The following LINGO2 variants were observed in gnomAD, a reference collection of about 807,000 sequenced individuals.
LINGO2 encodes leucine rich repeat and Ig domain containing 2, also known as leucine-rich repeat and immunoglobulin-like domain-containing nogo receptor-interacting protein 2.
In LINGO2, 14 loss-of-function variants were observed where a neutral mutation model predicts 30.6. The ratio of observed to expected loss-of-function variants is 0.46; its 90% CI spans 0.30 to 0.72. The LOEUF (loss-of-function observed/expected upper bound fraction) is 0.72, where lower values mean the gene tolerates loss of function less well. Among genes scored for constraint, LINGO2 ranks in the 30% least tolerant of loss-of-function variants. The pLI, the probability that LINGO2 is intolerant of heterozygous loss-of-function variation, is 0.07. For synonymous variants in LINGO2, 317 were observed against 288.5 expected (o/e 1.10, Z -1.00); for missense variants, 729 against 751.7 (o/e 0.97, Z 0.35).
intron 1 of LINGO2, among the ~76,000 whole-genome samples, chr9:28,494,151 C>T (rs766175978): frequency 2.2e-4 from 33 of 151,992 alleles, no homozygotes; most frequent in Admixed American, 4.6e-4. Context: ...AAAGAAATAC[C>T]GGTTTTTGCC....
chr9:29,171,342 G>A, the LINGO2 span, among the ~76,000 whole-genome samples: 1 of 152,078 alleles, frequency 6.6e-6, no homozygotes, highest in Admixed American at 6.6e-5. Context: ...CTGAGGAGAG[G>A]AGAACAAAGA....
At chr9:28,856,738 C>T in the LINGO2 span, among the ~76,000 whole-genome samples, 2 of 151,800 alleles carry the variant, frequency 1.3e-5, no homozygotes, top group Non-Finnish European at 2.9e-5. Context: ...ATTACTGAAG[C>T]GTTTTAAGGA....
chr9:29,059,905 G>C, the LINGO2 span, among the ~76,000 whole-genome samples: 1 of 152,024 alleles, frequency 6.6e-6, no homozygotes, highest in Non-Finnish European at 1.5e-5. Flanking sequence ...ATAATGCTAA[G>C]TAAATAAAAA....
intron 5 of LINGO2, among the ~76,000 whole-genome samples, chr9:27,954,192 C>A (rs1224870479): frequency 6.6e-6 from 1 of 152,120 alleles, no homozygotes. Context: ...TATATCACTT[C>A]TATGTGTTGG....
At chr9:28,623,808 T>C (rs552965939) in intron 1 of LINGO2, among the ~76,000 whole-genome samples, 11 of 152,138 alleles carry the variant, frequency 7.2e-5, no homozygotes, top group Non-Finnish European at 1.3e-4. Flanking sequence ...TTAACAACAT[T>C]CATTCTTCCA....
the LINGO2 span, among the ~76,000 whole-genome samples, chr9:28,984,293 T>A: frequency 6.6e-6 from 1 of 152,102 alleles, no homozygotes; most frequent in Non-Finnish European, 1.5e-5. Flanking sequence ...AGAAAAAGAA[T>A]CATTGTGAAC....
the LINGO2 span, among the ~76,000 whole-genome samples, chr9:28,985,002 C>A: frequency 1.3e-5 from 2 of 151,956 alleles, no homozygotes; most frequent in African/African-American, 4.8e-5. Context: ...GCTTTTGTAC[C>A]CTTTGACCAT....
At chr9:28,620,278 T>C (rs1420262280) in intron 1 of LINGO2, among the ~76,000 whole-genome samples, 1 of 152,088 alleles carries the variant, frequency 6.6e-6, no homozygotes, top group Non-Finnish European at 1.5e-5. Flanking sequence ...TTGTCTAAGT[T>C]TTAGACAAAG....
At chr9:28,348,588 G>C (rs1043854164) in intron 3 of LINGO2, among the ~76,000 whole-genome samples, 6 of 152,196 alleles carry the variant, frequency 3.9e-5, no homozygotes, top group African/African-American at 7.2e-5. Flanking sequence ...GCCCACCATT[G>C]CCCAGGCTTG....
intron 5 of LINGO2, among the ~76,000 whole-genome samples, chr9:27,985,520 CT>C (rs1249284239): frequency 6.7e-6 from 1 of 148,266 alleles, no homozygotes; most frequent in East Asian, 2.0e-4. Flanking sequence ...GTTTCTGAAT[CT>C]TTGTTTTCTC....
chr9:29,181,842 C>T, the LINGO2 span, among the ~76,000 whole-genome samples: 1 of 152,046 alleles, frequency 6.6e-6, no homozygotes, highest in African/African-American at 2.4e-5. Flanking sequence ...CTATTAATTA[C>T]CATAGACAAC....
At chr9:28,511,256 T>G (rs1820373928) in intron 1 of LINGO2, among the ~76,000 whole-genome samples, 2 of 152,164 alleles carry the variant, frequency 1.3e-5, no homozygotes, top group South Asian at 4.1e-4. Context: ...TCTATTCCAG[T>G]GAGGAAAAAC....
intron 1 of LINGO2, among the ~76,000 whole-genome samples, chr9:28,622,868 G>T: frequency 6.6e-6 from 1 of 151,472 alleles, no homozygotes; most frequent in East Asian, 1.9e-4. Flanking sequence ...CCTGTCATTT[G>T]TATATATGCC....
chr9:29,138,675 A>G, the LINGO2 span, among the ~76,000 whole-genome samples: 3 of 152,190 alleles, frequency 2.0e-5, no homozygotes, highest in Non-Finnish European at 2.9e-5. Flanking sequence ...TATGGTACGT[A>G]GCCCTATGAG....
Position 28,585,508 on chromosome 9 carries a change from C to T in LINGO2, c.-365+84692G>A, listed in dbSNP as rs143076412. 3.9e-5 allele frequency among the ~76,000 whole-genome samples: 6 copies of T among 152,008 alleles called. No homozygotes were observed. The East Asian group carries it at 9.7e-4, about 25-fold the overall frequency. On this transcript the variant is annotated intron_variant, in intron 1 of 5. Transcript: ENST00000379992. ...TGGGCATTCAGTAGAAACCATACTTCAGTACAGTATTAAGTAAATTATATA... is the reference window on the plus strand; with the variant it reads ...TGGGCATTCAGTAGAAACCATACTTTAGTACAGTATTAAGTAAATTATATA...
At chr9:27,949,561 G>T in exon 6 of LINGO2, 1 of 1,614,088 alleles carries the variant, frequency 6.2e-7, no homozygotes, top group Admixed American at 1.7e-5. Context: ...TGCAGGGTGG[G>T]CTGTCGCTGC....
At chr9:28,135,345 G>A (rs1827488919) in intron 4 of LINGO2, among the ~76,000 whole-genome samples, 1 of 152,002 alleles carries the variant, frequency 6.6e-6, no homozygotes, top group Non-Finnish European at 1.5e-5. Flanking sequence ...TCAAGAAAGA[G>A]AAGAGAAAAT....
chr9:28,334,512 G>T (rs1286891752), intron 3 of LINGO2, among the ~76,000 whole-genome samples: 3 of 152,104 alleles, frequency 2.0e-5, no homozygotes, highest in Non-Finnish European at 4.4e-5. Flanking sequence ...ACTAAGTGGG[G>T]TTTTTATGAG....
the LINGO2 span, among the ~76,000 whole-genome samples, chr9:29,123,110 G>GACAGA: frequency 6.6e-6 from 1 of 151,854 alleles, no homozygotes; most frequent in Non-Finnish European, 1.5e-5. Context: ...TCCCACACAG[G>GACAGA]ACAGAACAGA....
Sources: gnomAD v4.1 joint callset for allele counts (sites outside exome capture counted in the v4.1 genomes callset) on GRCh38, gnomAD v4.1.1 for gene constraint, MANE v1.5 for transcripts, NCBI Gene and HGNC (gene_info 2026-07-23, HGNC 2026-07-21) for gene names.